CADPS: variants seen among roughly 807,000 people sequenced by gnomAD.
CADPS encodes the protein calcium-dependent secretion activator 1.
A neutral mutation model predicts 167.3 loss-of-function variants in CADPS; 57 were observed. That is an observed-to-expected ratio of 0.34 (90% confidence interval 0.28 to 0.42). The LOEUF (loss-of-function observed/expected upper bound fraction) is 0.42. CADPS is among the 20% of genes least tolerant of loss of function. The pLI is 1.00. For synonymous variants in CADPS, 676 were observed against 635.3 expected (o/e 1.06, Z -0.96); for missense variants, 1,414 against 1,738.1 (o/e 0.81, Z 3.32).
chr3:62,414,782 A>G (rs2049684632), intron 28 of CADPS, among the ~76,000 whole-genome samples: 2 of 152,332 alleles, frequency 1.3e-5, no homozygotes, highest in Middle Eastern at 6.8e-3. Flanking sequence ...AGGCCACATC[A>G]AAACTCTTCT....
At chr3:62,868,307 A>C (rs1440308990) in intron 1 of CADPS, among the ~76,000 whole-genome samples, 1 of 152,078 alleles carries the variant, frequency 6.6e-6, no homozygotes, top group African/African-American at 2.4e-5. Context: ...TGGTGTTGGC[A>C]AGAACCAGAC....
chr3:62,796,073 G>T (rs576768925), intron 1 of CADPS: 4 of 152,360 alleles, frequency 2.6e-5, no homozygotes, highest in African/African-American at 9.6e-5. Context: ...CAGGAGCTAT[G>T]AAGGTTTTAT....
At chr3:62,587,341 T>A (rs1352022585) in intron 7 of CADPS, among the ~76,000 whole-genome samples, 1 of 152,120 alleles carries the variant, frequency 6.6e-6, no homozygotes, top group Non-Finnish European at 1.5e-5. Context: ...CACTGCTGGG[T>A]TGTGGAGACC....
At chr3:62,795,394 G>A (rs2093337027) in intron 1 of CADPS, among the ~76,000 whole-genome samples, 1 of 151,956 alleles carries the variant, frequency 6.6e-6, no homozygotes, top group South Asian at 2.1e-4. Context: ...AGCTCCATGA[G>A]GTAGGGCCCT....
chr3:62,694,380 A>G (rs56245993), intron 3 of CADPS, among the ~76,000 whole-genome samples: 27,990 of 151,934 alleles, frequency 0.18, 3,381 homozygotes, highest in African/African-American at 0.35. Context: ...ATCACTGTCA[A>G]TGTTGTTTAC....
chr3:62,587,139 G>T (rs951750077), intron 7 of CADPS, among the ~76,000 whole-genome samples: 2 of 152,172 alleles, frequency 1.3e-5, no homozygotes, highest in Non-Finnish European at 2.9e-5. Flanking sequence ...CCATTTTCTT[G>T]TTTGCCAGGC....
chr3:62,505,385 A>G (rs2066478923), intron 17 of CADPS, among the ~76,000 whole-genome samples: 1 of 152,084 alleles, frequency 6.6e-6, no homozygotes, highest in South Asian at 2.1e-4. Context: ...TTTTCCCTGT[A>G]AGGACTTAGG....
intron 20 of CADPS, 56 bp from the exon 21 acceptor site, chr3:62,491,536 A>AACACACACACACACACACAAACACACAC: frequency 2.0e-6 from 2 of 1,004,910 alleles, no homozygotes. Context: ...ATCAACGTAC[A>AACACACACACACACACACAAACACACAC]ACACACACAC....
At chr3:62,708,031 TCCTCCCAC>T (rs143964151) in intron 3 of CADPS, among the ~76,000 whole-genome samples, 12,029 of 152,034 alleles carry the variant, frequency 0.079, 625 homozygotes, top group Non-Finnish European at 0.12. Context: ...GCTCAAGTAA[TCCTCCCAC>T]CTCAGCCTTC....
At chr3:62,593,216 C>T (rs2086456361) in intron 6 of CADPS, among the ~76,000 whole-genome samples, 1 of 152,144 alleles carries the variant, frequency 6.6e-6, no homozygotes, top group Non-Finnish European at 1.5e-5. Context: ...GCCCCATTTT[C>T]ACTGGCATTC....
chr3:62,844,534 C>T lies in CADPS; in HGVS notation c.441+30055G>A, dbSNP rs903460383. ...ACCACTCCCCAACCCTCATGAATGC[C>T]TGTGAAAGCCAAGGACACACAACAT... On this transcript the variant is annotated intron_variant, in intron 1 of 29. Transcript: ENST00000383710. Among the ~76,000 whole-genome samples, 5 of 152,136 alleles carry T rather than the reference C, an allele frequency of 3.3e-5. No homozygotes were observed. In the South Asian group the frequency reaches 8.3e-4, roughly 25 times the overall value.
chr3:62,614,952 T>C (rs2062032419), intron 6 of CADPS, among the ~76,000 whole-genome samples: 1 of 152,188 alleles, frequency 6.6e-6, no homozygotes, highest in South Asian at 2.1e-4. Context: ...ACAGTGCATG[T>C]TCTTTAAGAG....
In CADPS at chr3:62,560,254, G is replaced by T. The variant is rs147746831; in HGVS notation, c.1645-2741C>A. The stretch of plus-strand genomic sequence containing the variant: ...TCACTTTTTATAGACTGATTGAATG[G>T]TGGGAGAATTGCAAAGATTTGGAAA... On this transcript the variant is annotated intron_variant, in intron 9 of 29. Coordinates refer to ENST00000383710, the MANE Select transcript of CADPS (RefSeq NM_003716.4). 5.3e-5 allele frequency among the ~76,000 whole-genome samples: 8 copies of T among 152,308 alleles called. No homozygotes were observed. In the East Asian group the frequency reaches 1.5e-3, roughly 29 times the overall value.
intron 28 of CADPS, among the ~76,000 whole-genome samples, chr3:62,431,970 A>T (rs1414088440): frequency 6.6e-6 from 1 of 151,858 alleles, no homozygotes; most frequent in African/African-American, 2.4e-5. Flanking sequence ...GGTTAGCCAT[A>T]TTTTCTAAAT....
intron 6 of CADPS, among the ~76,000 whole-genome samples, chr3:62,619,190 T>A (rs1162800810): frequency 1.3e-5 from 2 of 152,168 alleles, no homozygotes; most frequent in African/African-American, 4.8e-5. Context: ...TATAGAAAAG[T>A]CTGGTGACTA....
At position 62,491,486 on chromosome 3, in the gene CADPS, A is replaced by G; in HGVS notation, c.2885-6T>C. The G allele has an allele frequency of 6.2e-7, 1 of 1,613,266 alleles. No homozygotes were observed. Among genetic ancestry groups the G allele is most frequent in the Admixed American group, 1.7e-5 (1 of 59,936 alleles). ...TTTTCCATTGCACAAATTATCTAGA[A>G]CAGATAAGCAAAAGCTTGTTAAGAA... On this transcript the variant is annotated splice_region_variant and splice_polypyrimidine_tract_variant and intron_variant, in intron 20 of 29. Coordinates refer to ENST00000383710, the MANE Select transcript of CADPS (RefSeq NM_003716.4).
At chr3:62,408,934 A>G (rs557092094) in intron 28 of CADPS, among the ~76,000 whole-genome samples, 2 of 152,346 alleles carry the variant, frequency 1.3e-5, no homozygotes, top group East Asian at 1.9e-4. Flanking sequence ...GCAAAGTACT[A>G]TTTTGTACAG....
rs1705243196 is a variant in CADPS at position 62,399,842 on chromosome 3, A to T, written c.3883-257T>A. ...AAGCAAAGAACATAAGCTTGTGTTTATTCAGTTCCATAAAGGGAAATGTTC... is the reference window on the plus strand; with the variant it reads ...AAGCAAAGAACATAAGCTTGTGTTTTTTCAGTTCCATAAAGGGAAATGTTC... On this transcript the variant is annotated intron_variant, in intron 29 of 29. Transcript: ENST00000383710. The surrounding 1 kb of genome is among the most constrained non-coding windows in gnomAD (Gnocchi z 5.6). Among the ~76,000 whole-genome samples, 1 of 152,228 alleles carries T rather than the reference A, an allele frequency of 6.6e-6. No homozygotes were observed. Among genetic ancestry groups the T allele is most frequent in the Non-Finnish European group, 1.5e-5 (1 of 68,038 alleles).
At chr3:62,475,713 C>T (rs2061234982) in intron 23 of CADPS, among the ~76,000 whole-genome samples, 1 of 150,880 alleles carries the variant, frequency 6.6e-6, no homozygotes. Flanking sequence ...ACTCAAGTAG[C>T]TTTCTAATCA....
Sources: allele counts gnomAD v4.1 joint callset (sites outside exome capture counted in the v4.1 genomes callset), GRCh38; gene constraint gnomAD v4.1.1; non-coding constraint Gnocchi (gnomAD v3.1); transcripts MANE v1.5; gene names NCBI Gene and HGNC (gene_info 2026-07-23, HGNC 2026-07-21).